Variants in PLA2G4D observed in about 807,000 individuals in gnomAD.
PLA2G4D encodes cytosolic phospholipase A2 delta.
Under a neutral mutation model 94.4 loss-of-function variants are expected in PLA2G4D, and 80 were observed. The ratio of observed to expected loss-of-function variants is 0.85; its 90% CI spans 0.71 to 1.02. The LOEUF is 1.02. PLA2G4D is among the 50% of genes least tolerant of loss of function. PLA2G4D has a pLI of 0.00. For synonymous variants in PLA2G4D, 438 were observed against 440.9 expected (o/e 0.99, Z 0.08); for missense variants, 1,050 against 1,034.7 (o/e 1.01, Z -0.20).
chr15:42,089,415 G>A (rs1189550052), intron 1 of PLA2G4D, among the ~76,000 whole-genome samples: 5 of 152,198 alleles, frequency 3.3e-5, no homozygotes, highest in African/African-American at 7.2e-5. Context: ...TTTCCTCTCT[G>A]TGGTTCCATG....
Position 42,071,912 on chromosome 15 carries a change from C to T in PLA2G4D, c.1436-1G>A, listed in dbSNP as rs1889830276. 6.2e-7 allele frequency: 1 copy of T among 1,613,766 alleles called. No individual in the cohort carries two copies. Among genetic ancestry groups the T allele is most frequent in the African/African-American group, 1.3e-5 (1 of 74,926 alleles). On this transcript the variant is annotated splice_acceptor_variant, in intron 14 of 19. Coordinates refer to ENST00000290472, the MANE Select transcript of PLA2G4D (RefSeq NM_178034.4). LOFTEE classifies it high-confidence loss of function. The stretch of plus-strand genomic sequence containing the variant: ...TCATAGGGGGAGAACTCAACCCACT[C>T]TAATGGGGTGGGAAGGAGAGGCAGG...
chr15:42,087,249 T>C (rs1270896575), intron 3 of PLA2G4D, 51 bp downstream of exon 3: 19 of 1,609,638 alleles, frequency 1.2e-5, no homozygotes, highest in Non-Finnish European at 1.6e-5. Flanking sequence ...AACCCTTGCA[T>C]GGGGGTCCAG....
Position 42,081,825 on chromosome 15 carries a change from C to T in PLA2G4D, c.793G>A (p.Val265Met). ...MDVPAPNAPGVRLQLKAEGCP... is the reference protein window; with the variant it reads ...MDVPAPNAPGMRLQLKAEGCP... ...CCCTCTGCCTTGAGCTGCAGCCTCA[C>T]TCCTGGGGCCTGAAATCAAAGCCAG... The change falls in exon 10 of 20, where the codon GTG becomes ATG. Residue 265 changes from valine (V) to methionine (M), a missense_variant. Physicochemically the swap from Val to Met is conservative, Grantham distance 21 (BLOSUM62 1). Coordinates refer to ENST00000290472, the MANE Select transcript of PLA2G4D (RefSeq NM_178034.4). 6.2e-7 allele frequency: 1 copy of T among 1,614,218 alleles called. No individual in the cohort carries two copies.
At position 42,084,387 on chromosome 15, in the gene PLA2G4D, C is replaced by T. The variant is rs1308735012; in HGVS notation, c.472-608G>A. ...ACCTCCTAAGAGGCAGTGCCATCGGCTTGACTTTATTTTCATGTGTATTTT... is the reference window on the plus strand; with the variant it reads ...ACCTCCTAAGAGGCAGTGCCATCGGTTTGACTTTATTTTCATGTGTATTTT... On this transcript the variant is annotated intron_variant, in intron 6 of 19. Coordinates refer to ENST00000290472, the MANE Select transcript of PLA2G4D (RefSeq NM_178034.4). The surrounding 1 kb of genome is among the most constrained non-coding windows in gnomAD (Gnocchi z 4.8). Among the ~76,000 whole-genome samples the T allele has an allele frequency of 1.3e-5, 2 of 152,182 alleles. No homozygotes were observed. Among genetic ancestry groups the T allele is most frequent in the Non-Finnish European group, 2.9e-5 (2 of 68,032 alleles).
chr15:42,077,953 G>T (rs1186997256), intron 13 of PLA2G4D, among the ~76,000 whole-genome samples: 1 of 152,240 alleles, frequency 6.6e-6, no homozygotes, highest in South Asian at 2.1e-4. Context: ...TCTCTGTAAG[G>T]CATGCTCACC....
Position 42,079,735 on chromosome 15 carries a change from G to A in PLA2G4D, c.1119C>T (p.Asp373=). ...STWTMAHLYG[D]PEWSQRDLEG... ...CCAGGTCCCTCTGCGACCACTCAGG[G>A]TCCCCGTACAGGTGGGCCATTGTCC... The change falls in exon 13 of 20, where the codon GAC becomes GAT. Residue 373 remains aspartate, a synonymous_variant. Transcript: ENST00000290472. The A allele has an allele frequency of 6.2e-7, 1 of 1,604,628 alleles. No individual in the cohort carries two copies. Among genetic ancestry groups the A allele is most frequent in the Non-Finnish European group, 8.5e-7 (1 of 1,176,618 alleles).
Position 42,081,602 on chromosome 15 carries a change from C to G in PLA2G4D, c.834G>C (p.Leu278=). The G allele has an allele frequency of 1.2e-6, 2 of 1,614,116 alleles. No individual in the cohort carries two copies. Among genetic ancestry groups the G allele is most frequent in the Non-Finnish European group, 1.7e-6 (2 of 1,179,972 alleles). The change falls in exon 11 of 20, where the codon CTG becomes CTC. Residue 278 remains leucine, a synonymous_variant. Coordinates refer to ENST00000290472, the MANE Select transcript of PLA2G4D (RefSeq NM_178034.4). The part of the protein sequence containing the change: ...QLKAEGCPEE[L]AVHLGFNLCA... ...AGAGATTGAAGCCCAGGTGCACGGCCAGCTCCTCAGGGCTGTGGCAATGGA... is the reference window on the plus strand; with the variant it reads ...AGAGATTGAAGCCCAGGTGCACGGCGAGCTCCTCAGGGCTGTGGCAATGGA...
chr15:42,087,407 G>A lies in PLA2G4D; in HGVS notation c.148C>T (p.Gln50Ter). 1.9e-6 allele frequency: 3 copies of A among 1,614,158 alleles called. No individual in the cohort carries two copies. The highest frequency in any genetic ancestry group is 2.2e-5 in the South Asian group (2 of 91,088). Residue 50 changes from glutamine (Q) to a stop codon, truncating the protein, a stop_gained, in exon 3 of 20, where the codon CAG becomes TAG. Transcript: ENST00000290472. LOFTEE classifies it high-confidence loss of function. The part of the protein sequence containing the change: ...LSEADPYVIL[Q>*]LSTAPGMKFK... ...TTCATTCCAGGTGCGGTCGACAGCT[G>A]TAGGATCACGTAAGGGTCGGCCTCA...
chr15:42,070,487 T>G, intron 18 of PLA2G4D: 1 of 562,140 alleles, frequency 1.8e-6, no homozygotes, highest in South Asian at 2.5e-5. Flanking sequence ...TTCTTTGGAG[T>G]AGGTGTGGGG....
intron 13 of PLA2G4D, among the ~76,000 whole-genome samples, chr15:42,074,706 G>T (rs1171504781): frequency 6.6e-6 from 1 of 152,076 alleles, no homozygotes; most frequent in East Asian, 1.9e-4. Flanking sequence ...CATTGTAAGT[G>T]ATTTTTGGTA....
chr15:42,071,662 C>CCCCCCCCCCCCCCCT, intron 15 of PLA2G4D, 111 bp from the exon 16 acceptor site: 1 of 1,345,862 alleles, frequency 7.4e-7, no homozygotes, highest in Non-Finnish European at 1.0e-6. Context: ...GCATCCCCCC[C>CCCCCCCCCCCCCCCT]GCCACCCCTC....
chr15:42,092,673 G>T (rs1890264748), intron 1 of PLA2G4D, among the ~76,000 whole-genome samples: 1 of 152,124 alleles, frequency 6.6e-6, no homozygotes, highest in Non-Finnish European at 1.5e-5. Context: ...CCTGCTGAGG[G>T]TCTCAGCCAC....
At position 42,070,032 on chromosome 15, in the gene PLA2G4D, T is replaced by G; in HGVS notation, c.2107A>C (p.Ser703Arg). 6.6e-7 allele frequency: 1 copy of G among 1,518,864 alleles called. No individual in the cohort carries two copies. The allele number at this position is 1,518,864 out of a possible 1,614,324, so 94.1% of individuals were successfully genotyped here. A position where few individuals can be genotyped will look rare whatever the true frequency, so the allele number is the denominator to read the frequency against. Residue 703 changes from serine (S) to arginine (R), a missense_variant, in exon 19 of 20, where the codon AGC becomes CGC. Transcript: ENST00000290472. Reference protein sequence around the residue: ...RGLPFPRVEPSPQDQHQPREC... With the variant: ...RGLPFPRVEPRPQDQHQPREC... ...CTTGGCTGGTGCTGGTCCTGAGGGC[T>G]GGGTTCCACCCGGGGGAAGGGCAGC...
Position 42,086,194 on chromosome 15 carries a change from T to TGGGGGGGGCG in PLA2G4D, c.387+18_387+19insCGCCCCCCCC. The TGGGGGGGGCG allele has an allele frequency of 1.2e-5, 17 of 1,370,418 alleles. No homozygotes were observed. Among genetic ancestry groups the TGGGGGGGGCG allele is most frequent in the Non-Finnish European group, 1.5e-5 (16 of 1,043,064 alleles). 84.9% of individuals were successfully genotyped at this position (1,370,418 alleles called of 1,614,324 possible). ...GGAAGAAGTGGGGCCCACGGGGACT[T>TGGGGGGGGCG]CCCCACCCACCCACCCACCTGGGGA... On this transcript the variant is annotated intron_variant, in intron 4 of 19. Coordinates refer to ENST00000290472, the MANE Select transcript of PLA2G4D (RefSeq NM_178034.4).
intron 19 of PLA2G4D, among the ~76,000 whole-genome samples, chr15:42,069,650 A>G (rs1357697137): frequency 6.6e-6 from 1 of 152,064 alleles, no homozygotes; most frequent in Non-Finnish European, 1.5e-5. Flanking sequence ...GTACTAGGGC[A>G]AGTGGAAGGC....
In PLA2G4D at chr15:42,082,830, A is replaced by G. The variant is rs562884510; in HGVS notation, c.672+368T>C. Among the ~76,000 whole-genome samples, 4 of 152,142 alleles carry G rather than the reference A, an allele frequency of 2.6e-5. No individual in the cohort carries two copies. In the East Asian group the frequency reaches 7.7e-4, roughly 29 times the overall value. ...ACAGGAGAGCACTTGGCATATTGGAAATGAGAGAGGAGACAAGGATGGCTG... is the reference window on the plus strand; with the variant it reads ...ACAGGAGAGCACTTGGCATATTGGAGATGAGAGAGGAGACAAGGATGGCTG... On this transcript the variant is annotated intron_variant, in intron 8 of 19. Transcript: ENST00000290472.
chr15:42,081,647 C>T, intron 10 of PLA2G4D, 33 bp from the exon 11 acceptor site: 2 of 1,611,972 alleles, frequency 1.2e-6, no homozygotes, highest in Non-Finnish European at 1.7e-6. Context: ...GGTCAGGGGA[C>T]ACCTGCATAG....
At chr15:42,092,733 G>C (rs938995160) in intron 1 of PLA2G4D, among the ~76,000 whole-genome samples, 5 of 152,162 alleles carry the variant, frequency 3.3e-5, no homozygotes, top group African/African-American at 1.2e-4. Context: ...CCTTCTTCCG[G>C]TGGAGAGGCC....
chr15:42,079,831 C>G (rs891041131), intron 12 of PLA2G4D, 72 bp from the exon 13 acceptor site: 1 of 1,454,484 alleles, frequency 6.9e-7, no homozygotes, highest in Admixed American at 2.3e-5. Flanking sequence ...CTGCTTCCCA[C>G]TCGGCAGCTT....
Sources: gnomAD v4.1 joint callset for allele counts (sites outside exome capture counted in the v4.1 genomes callset) on GRCh38, gnomAD v4.1.1 for gene constraint, Gnocchi (gnomAD v3.1) non-coding constraint, MANE v1.5 for transcripts, NCBI Gene and HGNC (gene_info 2026-07-23, HGNC 2026-07-21) for gene names.